The following GSDME variants were observed in gnomAD, a reference collection of about 807,000 sequenced individuals.
The protein encoded by GSDME is gasdermin-E.
Under a neutral mutation model 47.5 loss-of-function variants are expected in GSDME, and 44 were observed. The observed-to-expected ratio is 0.93, with a 90% CI of 0.73 to 1.19. The LOEUF is 1.19. Ranked by LOEUF, GSDME falls within the 50% of genes most tolerant of loss-of-function variation. The probability of loss-of-function intolerance (pLI) is 0.00; values close to 1 mark genes in which losing one functional copy is unlikely to be tolerated. For synonymous variants in GSDME, 258 were observed against 252.8 expected (o/e 1.02, Z -0.20); for missense variants, 663 against 604.2 (o/e 1.10, Z -1.02).
In GSDME at chr7:24,751,682, C is replaced by T. The variant is rs190297011; in HGVS notation, c.-19-1889G>A. Among the ~76,000 whole-genome samples the T allele has an allele frequency of 7.1e-4, 108 of 152,336 alleles. 1 individual carries two copies. The highest frequency in any genetic ancestry group is 4.7e-4 in the Non-Finnish European group (32 of 68,026). ...AGCAGCATGACTAAGGATGCTCAGG[C>T]TGTCATCTGTAATTTATCTGTCACT... On this transcript the variant is annotated intron_variant, in intron 1 of 9. Coordinates refer to ENST00000645220, the MANE Select transcript of GSDME (RefSeq NM_001127453.2).
chr7:24,792,360 C>G, the GSDME span, among the ~76,000 whole-genome samples: 7 of 152,160 alleles, frequency 4.6e-5, no homozygotes, highest in Non-Finnish European at 7.4e-5. Flanking sequence ...GGGCAAGACT[C>G]CTGGTTAACA....
At position 24,744,756 on chromosome 7, in the gene GSDME, T is replaced by G; in HGVS notation, c.212-2A>C. Reference sequence around the variant, plus strand: ...TCACAAAGTCCGACTCCACGACCACTGGAATGGAGGAGACGAGCAGAGGAA... The same window carrying G: ...TCACAAAGTCCGACTCCACGACCACGGGAATGGAGGAGACGAGCAGAGGAA... On this transcript the variant is annotated splice_acceptor_variant, in intron 2 of 9. Transcript: ENST00000645220. LOFTEE classifies it high-confidence loss of function. The surrounding 1 kb of genome is among the most constrained non-coding windows in gnomAD (Gnocchi z 4.5). 6.2e-7 allele frequency: 1 copy of G among 1,613,850 alleles called. No homozygotes were observed. Among genetic ancestry groups the G allele is most frequent in the Non-Finnish European group, 8.5e-7 (1 of 1,179,978 alleles).
At position 24,712,982 on chromosome 7, in the gene GSDME, T is replaced by A. The variant is rs1307147345; in HGVS notation, c.698-2594A>T. ...GTGGTGAGCCAAGATCGCACCATTGTACTCCAGCCTGGGCAACAAGAGTGA... is the reference window on the plus strand; with the variant it reads ...GTGGTGAGCCAAGATCGCACCATTGAACTCCAGCCTGGGCAACAAGAGTGA... On this transcript the variant is annotated intron_variant, in intron 5 of 9. Transcript: ENST00000645220. This position sits in a 1 kb window ranked among gnomAD's most constrained non-coding sequence, Gnocchi z 4.4. Among the ~76,000 whole-genome samples the A allele has an allele frequency of 6.7e-6, 1 of 148,546 alleles. No homozygotes were observed. The highest frequency in any genetic ancestry group is 1.5e-5 in the Non-Finnish European group (1 of 67,648).
intron 3 of GSDME, among the ~76,000 whole-genome samples, chr7:24,719,899 G>T (rs1789712313): frequency 6.6e-6 from 1 of 152,202 alleles, no homozygotes; most frequent in Non-Finnish European, 1.5e-5. Context: ...GCTGAAGGAT[G>T]TCAGACGTCA....
At chr7:24,702,965 G>A (rs1788936129) in intron 8 of GSDME, 132 bp from the exon 9 acceptor site, 1 of 720,026 alleles carries the variant, frequency 1.4e-6, no homozygotes, top group Non-Finnish European at 2.4e-6. Flanking sequence ...CTCAGCAGTT[G>A]CTGAGTTAGT....
intron 2 of GSDME, among the ~76,000 whole-genome samples, chr7:24,748,032 G>A (rs917713599): frequency 4.6e-5 from 7 of 151,046 alleles, no homozygotes; most frequent in African/African-American, 1.7e-4. Flanking sequence ...ACACTCAAAG[G>A]AATATTATGT....
At chr7:24,702,656 G>A in intron 9 of GSDME, 104 bp downstream of exon 9, 4 of 890,006 alleles carry the variant, frequency 4.5e-6, no homozygotes, top group Non-Finnish European at 5.7e-6. Flanking sequence ...TTGAAGAGCT[G>A]TTGTGGTAAG....
chr7:24,757,669 C>A (rs969426483), upstream of GSDME: 2 of 152,328 alleles, frequency 1.3e-5, no homozygotes, highest in Non-Finnish European at 2.9e-5. The surrounding 1 kb of genome is among the most constrained non-coding windows in gnomAD (Gnocchi z 5.9). Flanking sequence ...GACGGCCCAG[C>A]GCTCAGCCGG....
chr7:24,708,481 T>G (rs570170022), intron 6 of GSDME, among the ~76,000 whole-genome samples: 2 of 152,266 alleles, frequency 1.3e-5, no homozygotes, highest in South Asian at 4.2e-4. Context: ...GGAAGCCAAG[T>G]TTTGTATTTC....
rs66692319 is a variant in GSDME, at chr7:24,749,497, CAAAAAAAAA to C, written c.211+58_211+66del. The C allele has an allele frequency of 1.5e-5, 17 of 1,100,620 alleles. No individual in the cohort carries two copies. In the African/African-American group the frequency reaches 2.6e-4, roughly 17 times the overall value. The allele number at this position is 1,100,620 out of a possible 1,614,324, so 68.2% of individuals were successfully genotyped here. ...AGCATGGGCGACAGAGACTCTGTGTCAAAAAAAAAAAAAAAAAGGATCATCCTTTCCGAG... is the reference window on the plus strand; with the variant it reads ...AGCATGGGCGACAGAGACTCTGTGTCAAAAAAAAGGATCATCCTTTCCGAG... On this transcript the variant is annotated intron_variant, in intron 2 of 9. Transcript: ENST00000645220.
rs946031833 is a variant in GSDME, at chr7:24,726,750, T to G, written c.405-7532A>C. Among the ~76,000 whole-genome samples, 1 of 145,798 alleles carries G rather than the reference T, an allele frequency of 6.9e-6. No individual in the cohort carries two copies. The highest frequency in any genetic ancestry group is 1.5e-5 in the Non-Finnish European group (1 of 67,216). ...TTAACCCGGGAGGTGGAACTTGCAG[T>G]GAGCCGAGATCGCCCACTGCACTCC... is the stretch of plus-strand genomic sequence containing the variant. On this transcript the variant is annotated intron_variant, in intron 3 of 9. Transcript: ENST00000645220. This position sits in a 1 kb window ranked among gnomAD's most constrained non-coding sequence, Gnocchi z 5.6.
At position 24,728,014 on chromosome 7, in the gene GSDME, G is replaced by T. The variant is rs998547671; in HGVS notation, c.405-8796C>A. Among the ~76,000 whole-genome samples the T allele has an allele frequency of 6.6e-6, 1 of 152,174 alleles. No individual in the cohort carries two copies. The highest frequency in any genetic ancestry group is 1.9e-4 in the East Asian group (1 of 5,190). On this transcript the variant is annotated intron_variant, in intron 3 of 9. Transcript: ENST00000645220. The surrounding 1 kb of genome is among the most constrained non-coding windows in gnomAD (Gnocchi z 7.2). ...GTCCCCAGCACTGTTCGGGAGCTAG[G>T]GGGGCTGTAACGGGAGGAAGAGACA... is the stretch of plus-strand genomic sequence containing the variant.
rs1200143094 is a variant in GSDME, at chr7:24,716,061, A to C, written c.697+1193T>G. On this transcript the variant is annotated intron_variant, in intron 5 of 9. Coordinates refer to ENST00000645220, the MANE Select transcript of GSDME (RefSeq NM_001127453.2). The surrounding 1 kb of genome is among the most constrained non-coding windows in gnomAD (Gnocchi z 4.5). ...ATGGCGTAGTGACTCATGTGGGCTT[A>C]GCGAGGGCAGGAGCTGTCTCACGGG... Among the ~76,000 whole-genome samples the C allele has an allele frequency of 6.6e-6, 1 of 152,206 alleles. No individual in the cohort carries two copies. Among genetic ancestry groups the C allele is most frequent in the Non-Finnish European group, 1.5e-5 (1 of 68,032 alleles).
At chr7:24,727,049 G>A (rs1415725608) in intron 3 of GSDME, among the ~76,000 whole-genome samples, 2 of 152,214 alleles carry the variant, frequency 1.3e-5, no homozygotes, top group African/African-American at 4.8e-5. Context: ...CCTGGCTGTA[G>A]GAAAAGGATT....
rs1789803944 is a variant in GSDME at position 24,721,928 on chromosome 7, A to G, written c.405-2710T>C. Among the ~76,000 whole-genome samples the G allele has an allele frequency of 6.6e-6, 1 of 152,164 alleles. No homozygotes were observed. The highest frequency in any genetic ancestry group is 2.1e-4 in the South Asian group (1 of 4,832). ...TTGGCACACATTCCCTGATGGCCAC[A>G]TTTCACTGACTCATTGGTCACCTCC... On this transcript the variant is annotated intron_variant, in intron 3 of 9. Transcript: ENST00000645220. This position sits in a 1 kb window ranked among gnomAD's most constrained non-coding sequence, Gnocchi z 4.1.
intron 1 of GSDME, among the ~76,000 whole-genome samples, chr7:24,755,721 G>C (rs1790993752): frequency 6.6e-6 from 1 of 152,152 alleles, no homozygotes; most frequent in South Asian, 2.1e-4. Context: ...ACTCTACTCT[G>C]CTGGCTCCCT....
chr7:24,783,073 T>C, the GSDME span, among the ~76,000 whole-genome samples: 1 of 152,260 alleles, frequency 6.6e-6, no homozygotes. Context: ...TATCCTGTTG[T>C]ACTCTCACAT....
the GSDME span, among the ~76,000 whole-genome samples, chr7:24,774,069 C>T: frequency 4.6e-5 from 7 of 152,282 alleles, no homozygotes; most frequent in East Asian, 1.3e-3. Context: ...ACTCCTGTAT[C>T]AGTACAGTCT....
chr7:24,765,135 C>G, the GSDME span, among the ~76,000 whole-genome samples: 1 of 152,114 alleles, frequency 6.6e-6, no homozygotes, highest in Admixed American at 6.5e-5. Context: ...AAGCCTGGCC[C>G]CGGGTAATGC....
Sources: gnomAD v4.1 joint callset for allele counts (sites outside exome capture counted in the v4.1 genomes callset) on GRCh38, gnomAD v4.1.1 for gene constraint, Gnocchi (gnomAD v3.1) non-coding constraint, MANE v1.5 for transcripts, NCBI Gene and HGNC (gene_info 2026-07-23, HGNC 2026-07-21) for gene names.